The following IFT172 variants were observed in gnomAD, a reference collection of about 807,000 sequenced individuals.
The protein encoded by IFT172 is intraflagellar transport 172.
IFT172 carries 164 observed loss-of-function variants against 248.9 expected under a neutral mutation model. The observed-to-expected ratio is 0.66, with a 90% CI of 0.58 to 0.75. IFT172 has a LOEUF of 0.75. IFT172 is among the 30% of genes least tolerant of loss of function. The probability of loss-of-function intolerance (pLI) is 0.00; values close to 1 mark genes in which losing one functional copy is unlikely to be tolerated. For synonymous variants in IFT172, 729 were observed against 791.6 expected, an observed-to-expected ratio of 0.92 and a Z score of 1.33; for missense variants, 1,950 against 2,192.4, an observed-to-expected ratio of 0.89 and a Z score of 2.21.
At chr2:27,467,613 CAAAAAAAAAAAAAA>C (rs758559563) in intron 16 of IFT172, among the ~76,000 whole-genome samples, 3 of 53,136 alleles carry the variant, frequency 5.6e-5, no homozygotes, top group African/African-American at 2.3e-4. Flanking sequence ...ACCCTGTCTC[CAAAAAAAAAAAAAA>C]AAAAAAAAAG....
chr2:27,460,928 G>A, intron 23 of IFT172, 87 bp downstream of exon 23: 1 of 1,496,180 alleles, frequency 6.7e-7, no homozygotes, highest in South Asian at 1.1e-5. Context: ...CAGGTGTGTA[G>A]GGGCAACCCA....
rs367649864 is a variant in IFT172 at position 27,461,290 on chromosome 2, G to C, written c.2421C>G (p.Ile807Met). ...ELVEHITAAL[I>M]KGELYERAGD... is the part of the protein sequence containing the mutation. ...ATACCCTTTCGTAGAGTTCCCCCTT[G>C]ATAAGGGCTGCAGTGATGTGTTCTA... The change falls in exon 22 of 48, where the codon ATC (isoleucine) becomes ATG (methionine). Residue 807 changes from isoleucine to methionine, a missense_variant. Transcript: ENST00000260570. 1 of 1,614,078 alleles carries C rather than the reference G, an allele frequency of 6.2e-7. No homozygotes were observed. Among genetic ancestry groups the C allele is most frequent in the Non-Finnish European group, 8.5e-7 (1 of 1,179,998 alleles).
chr2:27,485,430 C>G lies in IFT172; in HGVS notation c.113G>C (p.Arg38Pro), dbSNP rs552861632. 1.2e-6 allele frequency: 2 copies of G among 1,614,180 alleles called. No individual in the cohort carries two copies. The highest frequency in any genetic ancestry group is 3.3e-5 in the Admixed American group (2 of 60,028). Residue 38 changes from arginine to proline, a missense_variant, in exon 2 of 48, where the codon CGA becomes CCA. By Grantham distance (103) the Arg-to-Pro change is moderately radical. This residue lies in a region of IFT172 where 1,166 missense variants were observed against 1,254.1 expected (regional missense o/e 0.93). Transcript: ENST00000260570. The stretch of plus-strand genomic sequence containing the variant: ...ATGTTCATCATACAGCAAGACCACT[C>G]GGTCCACTGTGCAGACAGCAAATTT... The part of the protein sequence containing the change: ...NAKFAVCTVD[R>P]VVLLYDEHGE...
chr2:27,473,881 C>T lies in IFT172; in HGVS notation c.1412-1519G>A, dbSNP rs1475701639. On this transcript the variant is annotated intron_variant, in intron 14 of 47. Transcript: ENST00000260570. ...GGAGTGCAGTGGCACGATCTCGGCT[C>T]ACTGTAACCTCCACCTCCTGGATTC... Among the ~76,000 whole-genome samples, 3 of 151,556 alleles carry T rather than the reference C, an allele frequency of 2.0e-5. No individual in the cohort carries two copies. In the East Asian group the frequency reaches 5.9e-4, roughly 30 times the overall value.
At chr2:27,453,860 G>T in intron 33 of IFT172, 121 bp from the exon 34 acceptor site, 1 of 1,382,600 alleles carries the variant, frequency 7.2e-7, no homozygotes, top group Non-Finnish European at 1.0e-6. Flanking sequence ...CCTCTTTCCT[G>T]TCTTCCCCAC....
intron 18 of IFT172, among the ~76,000 whole-genome samples, chr2:27,464,105 C>G (rs1180843939): frequency 6.6e-6 from 1 of 152,168 alleles, no homozygotes; most frequent in Non-Finnish European, 1.5e-5. Flanking sequence ...TGCAATATTG[C>G]AGGTGGGAGA....
In IFT172 at chr2:27,444,423, C is replaced by T; in HGVS notation, c.*9G>A. 1.3e-6 allele frequency: 2 copies of T among 1,590,318 alleles called. No individual in the cohort carries two copies. Among genetic ancestry groups the T allele is most frequent in the Non-Finnish European group, 1.7e-6 (2 of 1,159,870 alleles). ...GGGAGAGGCCCTAACTCTTCCTCAG[C>T]TCTACCAACTACTGAAAGGAAAAGC... On this transcript the variant is annotated 3_prime_UTR_variant, in exon 48 of 48. Transcript: ENST00000260570.
intron 42 of IFT172, 145 bp downstream of exon 42, chr2:27,447,368 ATT>A (rs1665232369): frequency 8.0e-7 from 1 of 1,249,568 alleles, no homozygotes; most frequent in East Asian, 2.4e-5. Flanking sequence ...AGGGCTAAAG[ATT>A]TGTTTAGACA....
chr2:27,456,206 T>C (rs1478542785), intron 30 of IFT172, among the ~76,000 whole-genome samples: 1 of 151,314 alleles, frequency 6.6e-6, no homozygotes, highest in African/African-American at 2.4e-5. Context: ...TGAGACTCTG[T>C]CTCAAAAAAA....
chr2:27,453,777 G>T, intron 33 of IFT172, 38 bp from the exon 34 acceptor site: 2 of 1,574,708 alleles, frequency 1.3e-6, no homozygotes, highest in Non-Finnish European at 1.7e-6. Flanking sequence ...GCAGAGGCAG[G>T]CCTGACAGCT....
Position 27,446,343 on chromosome 2 carries a change from C to T in IFT172, c.4672G>A (p.Ala1558Thr). 1 of 1,614,230 alleles carries T rather than the reference C, an allele frequency of 6.2e-7. No homozygotes were observed. Among genetic ancestry groups the T allele is most frequent in the Non-Finnish European group, 8.5e-7 (1 of 1,180,028 alleles). The part of the protein sequence containing the change: ...QSVKQLETVA[A>T]RLSVSLLRHT... The stretch of plus-strand genomic sequence containing the variant: ...CGCAAGAGTGAAACAGAAAGCCTGG[C>T]AGCCACGGTTTCCTGGGATTAAAGT... The change falls in exon 43 of 48, where the codon GCC becomes ACC. Residue 1558 changes from alanine (A) to threonine (T), a missense_variant. Ala to Thr is a moderately conservative substitution (Grantham distance 58). Coordinates refer to ENST00000260570, the MANE Select transcript of IFT172 (RefSeq NM_015662.3).
Position 27,489,430 on chromosome 2 carries a change from C to G in IFT172, c.39+185G>C, listed in dbSNP as rs140979662. On this transcript the variant is annotated intron_variant, in intron 1 of 47. Coordinates refer to ENST00000260570, the MANE Select transcript of IFT172 (RefSeq NM_015662.3). ...TGATGTGAATGAAATGTAAGGAAAGCTACAAGTCCTTAGCCCTGCATCTCG... is the reference window on the plus strand; with the variant it reads ...TGATGTGAATGAAATGTAAGGAAAGGTACAAGTCCTTAGCCCTGCATCTCG... 2.3e-3 allele frequency among the ~76,000 whole-genome samples: 350 copies of G among 152,348 alleles called. 1 individual carries two copies. The highest frequency in any genetic ancestry group is 0.01 in the Middle Eastern group (3 of 294).
chr2:27,480,289 A>C, intron 8 of IFT172, 140 bp from the exon 9 acceptor site: 1 of 1,285,310 alleles, frequency 7.8e-7, no homozygotes, highest in Non-Finnish European at 1.0e-6. Context: ...GCAGTCTAGC[A>C]GAAGAGGATA....
In IFT172 at chr2:27,447,565, T is replaced by A. The variant is rs879210825; in HGVS notation, c.4609A>T (p.Ile1537Phe). ...AHEEFKTMLLIAHYYATRSAA... is the reference protein window; with the variant it reads ...AHEEFKTMLLFAHYYATRSAA... Reference sequence around the variant, plus strand: ...GAGCGCGTGGCATAGTAATGAGCGATCAGCAGCATCGTCTTGAACTCCTCA... The same window carrying A: ...GAGCGCGTGGCATAGTAATGAGCGAACAGCAGCATCGTCTTGAACTCCTCA... The change falls in exon 42 of 48, where the codon ATC (isoleucine) becomes TTC (phenylalanine). Residue 1537 changes from isoleucine to phenylalanine, a missense_variant. Ile to Phe is a conservative substitution (Grantham distance 21, BLOSUM62 0). Coordinates refer to ENST00000260570, the MANE Select transcript of IFT172 (RefSeq NM_015662.3). The A allele has an allele frequency of 6.2e-7, 1 of 1,614,140 alleles. No individual in the cohort carries two copies. Among genetic ancestry groups the A allele is most frequent in the South Asian group, 1.1e-5 (1 of 91,074 alleles).
chr2:27,456,600 C>T lies in IFT172; in HGVS notation c.3282G>A (p.Trp1094Ter). The T allele has an allele frequency of 6.2e-7, 1 of 1,614,164 alleles. No individual in the cohort carries two copies. The highest frequency in any genetic ancestry group is 8.5e-7 in the Non-Finnish European group (1 of 1,180,026). ...ANAHKHVAYLWAKSLGGEAAV... is the reference protein window; with the variant it reads ...ANAHKHVAYL The stretch of plus-strand genomic sequence containing the variant: ...CAGCCTCTCCTCCCAGGCTCTTTGC[C>T]CACAGATAGGCCACGTGTTTGTGGG... The change falls in exon 30 of 48, where the codon TGG becomes TGA. Residue 1094 changes from tryptophan (W) to a stop codon, truncating the protein, a stop_gained. Coordinates refer to ENST00000260570, the MANE Select transcript of IFT172 (RefSeq NM_015662.3). LOFTEE classifies it high-confidence loss of function.
In IFT172 at chr2:27,445,777, C is replaced by G; in HGVS notation, c.4882G>C (p.Glu1628Gln). Reference protein sequence around the residue: ...SDFQDTDIPFEVPLPAKQHVP... With the variant: ...SDFQDTDIPFQVPLPAKQHVP... Reference sequence around the variant, plus strand: ...TGCTGCTTAGCTGGGAGTGGCACCTCAAAGGGAATGTCTGTATCCTGAAAA... The same window carrying G: ...TGCTGCTTAGCTGGGAGTGGCACCTGAAAGGGAATGTCTGTATCCTGAAAA... The change falls in exon 45 of 48, where the codon GAG becomes CAG. Residue 1628 changes from glutamate (E) to glutamine (Q), a missense_variant. Physicochemically the swap from Glu to Gln is conservative, Grantham distance 29. Around this residue, in one of 3 missense-constraint regions of IFT172, gnomAD observed 620 missense variants for 699.0 expected, o/e 0.89. Coordinates refer to ENST00000260570, the MANE Select transcript of IFT172 (RefSeq NM_015662.3). This position sits in a 1 kb window ranked among gnomAD's most constrained non-coding sequence, Gnocchi z 4.4. 1 of 1,614,116 alleles carries G rather than the reference C, an allele frequency of 6.2e-7. No individual in the cohort carries two copies. Among genetic ancestry groups the G allele is most frequent in the Admixed American group, 1.7e-5 (1 of 60,006 alleles).
chr2:27,482,144 G>T (rs553744971), intron 7 of IFT172, among the ~76,000 whole-genome samples: 2 of 150,526 alleles, frequency 1.3e-5, no homozygotes, highest in Admixed American at 6.6e-5. Context: ...CACCATGCCC[G>T]GCTAATTTTT....
intron 26 of IFT172, 24 bp downstream of exon 26, chr2:27,458,755 A>G (rs1666388171): frequency 1.2e-6 from 2 of 1,611,044 alleles, no homozygotes; most frequent in South Asian, 2.2e-5. Context: ...GAGTTCTCTT[A>G]TCATGAACTC....
In IFT172 at chr2:27,456,717, C is replaced by T. The variant is rs137969555; in HGVS notation, c.3229-64G>A. The T allele has an allele frequency of 2.1e-4, 332 of 1,567,506 alleles. 2 individuals are homozygous for T. The African/African-American group carries it at 3.2e-3, about 15-fold the overall frequency. ...GCTTCTCCCTTCTCATCTCTGACCTCGGCTTTGACAAGGATCCAGTAACTG... is the reference window on the plus strand; with the variant it reads ...GCTTCTCCCTTCTCATCTCTGACCTTGGCTTTGACAAGGATCCAGTAACTG... On this transcript the variant is annotated intron_variant, in intron 29 of 47. Transcript: ENST00000260570.
Sources: gnomAD v4.1 joint callset for allele counts (sites outside exome capture counted in the v4.1 genomes callset) on GRCh38, gnomAD v4.1.1 for gene constraint, gnomAD v4.1.1 regional missense constraint, Gnocchi (gnomAD v3.1) non-coding constraint, MANE v1.5 for transcripts, NCBI Gene and HGNC (gene_info 2026-07-23, HGNC 2026-07-21) for gene names.